CNTFR: variants seen among roughly 807,000 people sequenced by gnomAD.
The protein encoded by CNTFR is ciliary neurotrophic factor receptor.
A neutral mutation model predicts 40.4 loss-of-function variants in CNTFR; 12 were observed. That is an observed-to-expected ratio of 0.30 (90% CI 0.19 to 0.48). CNTFR has a LOEUF of 0.48. Among genes scored for constraint, CNTFR ranks in the 20% least tolerant of loss-of-function variants. The pLI is 0.99. For synonymous variants in CNTFR, 202 were observed against 209.6 expected (o/e 0.96, Z 0.31); for missense variants, 414 against 506.8 (o/e 0.82, Z 1.76).
intron 2 of CNTFR, among the ~76,000 whole-genome samples, chr9:34,579,265 G>A (rs1018177509): frequency 6.6e-6 from 1 of 152,022 alleles, no homozygotes; most frequent in Admixed American, 6.5e-5. Context: ...TGGGGTTACG[G>A]GCTTGGATCA....
chr9:34,555,211 C>T (rs974102272), intron 7 of CNTFR, among the ~76,000 whole-genome samples: 2 of 152,160 alleles, frequency 1.3e-5, no homozygotes, highest in African/African-American at 4.8e-5. Context: ...GCTGGCCAGG[C>T]GGGAGGGACT....
chr9:34,566,201 T>A (rs1826284066), intron 3 of CNTFR, among the ~76,000 whole-genome samples: 2 of 152,002 alleles, frequency 1.3e-5, no homozygotes, highest in African/African-American at 4.8e-5. Flanking sequence ...CACTGGAACA[T>A]CTGTCCCGGT....
chr9:34,581,722 C>A (rs1037056955), intron 1 of CNTFR, among the ~76,000 whole-genome samples: 15 of 152,196 alleles, frequency 9.9e-5, no homozygotes, highest in African/African-American at 3.6e-4. Flanking sequence ...TTGTTCTTCA[C>A]ATTTGATAAC....
intron 1 of CNTFR, among the ~76,000 whole-genome samples, chr9:34,585,681 C>G (rs1827506423): frequency 6.6e-6 from 1 of 152,174 alleles, no homozygotes; most frequent in Non-Finnish European, 1.5e-5. Flanking sequence ...CTTGCCTTCC[C>G]AGCCCCTCCC....
intron 3 of CNTFR, among the ~76,000 whole-genome samples, chr9:34,568,364 C>G (rs1826407614): frequency 6.6e-6 from 1 of 152,174 alleles, no homozygotes; most frequent in South Asian, 2.1e-4. Flanking sequence ...AGCTGTCCCT[C>G]CCCCGTGTGG....
chr9:34,590,729 G>T (rs528602305), upstream of CNTFR, among the ~76,000 whole-genome samples: 1 of 152,368 alleles, frequency 6.6e-6, no homozygotes, highest in African/African-American at 2.4e-5. Flanking sequence ...TTCGCAGCCT[G>T]GGCCTCTGAG....
intron 3 of CNTFR, among the ~76,000 whole-genome samples, chr9:34,565,741 C>T (rs752492930): frequency 1.3e-5 from 2 of 152,066 alleles, no homozygotes; most frequent in Admixed American, 1.3e-4. Context: ...GAGCACCTGT[C>T]GACAGGCAGC....
intron 2 of CNTFR, among the ~76,000 whole-genome samples, chr9:34,572,241 A>C (rs1826697811): frequency 6.6e-6 from 1 of 151,662 alleles, no homozygotes; most frequent in Non-Finnish European, 1.5e-5. Context: ...TCAGACTCCC[A>C]ACTGGGCCCA....
chr9:34,560,499 C>T (rs1826025525), intron 4 of CNTFR, among the ~76,000 whole-genome samples: 1 of 152,186 alleles, frequency 6.6e-6, no homozygotes, highest in Non-Finnish European at 1.5e-5. Flanking sequence ...TGTGTCTGAA[C>T]ACAGTGACAG....
intron 2 of CNTFR, among the ~76,000 whole-genome samples, chr9:34,577,651 C>T (rs1022776140): frequency 6.1e-5 from 3 of 49,580 alleles, no homozygotes; most frequent in African/African-American, 1.2e-4. Context: ...CTCTCTGTAG[C>T]CCCCCTTCCA....
At position 34,557,883 on chromosome 9, in the gene CNTFR, A is replaced by C. The variant is rs749630730; in HGVS notation, c.421T>G (p.Phe141Val). The change falls in exon 5 of 10, where the codon TTC becomes GTC. Residue 141 changes from phenylalanine to valine, a missense_variant. Phe to Val is a conservative substitution (Grantham distance 50). Coordinates refer to ENST00000378980, the MANE Select transcript of CNTFR (RefSeq NM_147164.3). The surrounding 1 kb of genome is among the most constrained non-coding windows in gnomAD (Gnocchi z 4.2). Reference sequence around the variant, plus strand: ...GCTACTCACAGCACAGTCACATTGAAGGTGTTGGGAATGTAGGTGGGGGTG... The same window carrying C: ...GCTACTCACAGCACAGTCACATTGACGGTGTTGGGAATGTAGGTGGGGGTG... Reference protein sequence around the residue: ...LPTPTYIPNTFNVTVLHGSKI... With the variant: ...LPTPTYIPNTVNVTVLHGSKI... 6.5e-7 allele frequency: 1 copy of C among 1,529,308 alleles called. No homozygotes were observed. The highest frequency in any genetic ancestry group is 8.9e-7 in the Non-Finnish European group (1 of 1,123,664). The allele number at this position is 1,529,308 out of a possible 1,614,324, so 94.7% of individuals were successfully genotyped here.
intron 7 of CNTFR, among the ~76,000 whole-genome samples, chr9:34,554,760 G>A (rs547606498): frequency 2.0e-5 from 3 of 152,066 alleles, no homozygotes; most frequent in South Asian, 2.1e-4. Context: ...TGCCCTTCTC[G>A]CCCCCTCCCA....
intron 1 of CNTFR, among the ~76,000 whole-genome samples, chr9:34,584,978 C>T (rs1827479219): frequency 6.6e-6 from 1 of 152,152 alleles, no homozygotes; most frequent in South Asian, 2.1e-4. Flanking sequence ...GGTCTCAAAC[C>T]ACAAATCCCA....
At chr9:34,569,332 G>A (rs887863323) in intron 2 of CNTFR, among the ~76,000 whole-genome samples, 7 of 152,144 alleles carry the variant, frequency 4.6e-5, no homozygotes, top group Non-Finnish European at 7.3e-5. Context: ...TTTGCTGTTC[G>A]ATAAGACTAG....
At chr9:34,556,136 C>A in intron 7 of CNTFR, 119 bp downstream of exon 7, 2 of 1,178,062 alleles carry the variant, frequency 1.7e-6, no homozygotes, top group Non-Finnish European at 1.2e-6. Context: ...CTTTTCCCCG[C>A]AGAGAGCCTG....
At position 34,568,918 on chromosome 9, in the gene CNTFR, C is replaced by A; in HGVS notation, c.64G>T (p.Ala22Ser). Residue 22 changes from alanine (A) to serine (S), a missense_variant, in exon 3 of 10, where the codon GCC (alanine) becomes TCC (serine). Around this residue, in one of 3 missense-constraint regions of CNTFR, gnomAD observed 250 missense variants for 269.5 expected, o/e 0.93. Coordinates refer to ENST00000378980, the MANE Select transcript of CNTFR (RefSeq NM_147164.3). Reference sequence around the variant, plus strand: ...TCACCCTGTGGACTGTGTCTCTGGGCGTAGACAACTGCGGCGGCGGCGGCA... The same window carrying A: ...TCACCCTGTGGACTGTGTCTCTGGGAGTAGACAACTGCGGCGGCGGCGGCA... ...VLAAAAAVVY[A>S]QRHSPQEAPH... The A allele has an allele frequency of 6.3e-7, 1 of 1,597,232 alleles. No homozygotes were observed. Among genetic ancestry groups the A allele is most frequent in the South Asian group, 1.1e-5 (1 of 88,002 alleles).
At chr9:34,577,750 C>T (rs1301266955) in intron 2 of CNTFR, among the ~76,000 whole-genome samples, 1 of 152,220 alleles carries the variant, frequency 6.6e-6, no homozygotes, top group Non-Finnish European at 1.5e-5. Flanking sequence ...AGCCAATGGG[C>T]CCCGGCCCCA....
At chr9:34,561,005 A>G (rs1283185801) in intron 4 of CNTFR, among the ~76,000 whole-genome samples, 4 of 152,054 alleles carry the variant, frequency 2.6e-5, no homozygotes, top group Non-Finnish European at 4.4e-5. Flanking sequence ...AGCTGCCCAC[A>G]CCCTAGGCCA....
At chr9:34,579,483 A>T (rs998024737) in intron 2 of CNTFR, among the ~76,000 whole-genome samples, 3 of 152,058 alleles carry the variant, frequency 2.0e-5, no homozygotes, top group African/African-American at 7.2e-5. Context: ...GATGGGCCCT[A>T]GAAGAGAGAG....
Sources: gnomAD v4.1 joint callset for allele counts (sites outside exome capture counted in the v4.1 genomes callset) on GRCh38, gnomAD v4.1.1 for gene constraint, gnomAD v4.1.1 regional missense constraint, Gnocchi (gnomAD v3.1) non-coding constraint, MANE v1.5 for transcripts, NCBI Gene and HGNC (gene_info 2026-07-23, HGNC 2026-07-21) for gene names.